ARF3: variants seen among roughly 807,000 people sequenced by gnomAD.
ARF3 encodes ARF GTPase 3.
A neutral mutation model predicts 19.3 loss-of-function variants in ARF3; 5 were observed. That is an observed-to-expected ratio of 0.26 (90% confidence interval 0.14 to 0.54). The LOEUF is 0.54. Among genes scored for constraint, ARF3 ranks in the 20% least tolerant of loss-of-function variants. The pLI is 0.95. For missense variants in ARF3, 77 were observed against 234.2 expected, an observed-to-expected ratio of 0.33 and a Z score of 4.38; for synonymous variants, 71 against 89.2, an observed-to-expected ratio of 0.80 and a Z score of 1.15.
chr12:48,950,806 C>T lies in ARF3; in HGVS notation c.-94+6504G>A, dbSNP rs145848084. On this transcript the variant is annotated intron_variant, in intron 1 of 4. Coordinates refer to ENST00000256682, the MANE Select transcript of ARF3 (RefSeq NM_001659.3). ...CTGCCTTTTTGTTTTTTTTTTGAGA[C>T]GGAGTTTTTGCTCTTGTTGCCCAGG... Among the ~76,000 whole-genome samples the T allele has an allele frequency of 6.6e-5, 10 of 151,060 alleles. No individual in the cohort carries two copies. In the East Asian group the frequency reaches 1.2e-3, roughly 18 times the overall value.
At chr12:48,947,305 C>CTT (rs201946318) in intron 1 of ARF3, among the ~76,000 whole-genome samples, 8 of 132,594 alleles carry the variant, frequency 6.0e-5, no homozygotes, top group African/African-American at 2.2e-4. Context: ...ATTCATCAAA[C>CTT]TTTTTTTTTT....
intron 1 of ARF3, among the ~76,000 whole-genome samples, chr12:48,945,511 A>G (rs986604866): frequency 2.0e-5 from 3 of 151,890 alleles, no homozygotes; most frequent in African/African-American, 7.3e-5. Flanking sequence ...CAGCGAGTCG[A>G]TATCATGCCA....
At chr12:48,947,896 G>A (rs1228557168) in intron 1 of ARF3, among the ~76,000 whole-genome samples, 1 of 152,084 alleles carries the variant, frequency 6.6e-6, no homozygotes, top group Non-Finnish European at 1.5e-5. Context: ...GTTGGGCAGG[G>A]GAAGTGTGTG....
Position 48,939,842 on chromosome 12 carries a change from A to G in ARF3, c.260-63T>C. 6.2e-7 allele frequency: 1 copy of G among 1,608,906 alleles called. No individual in the cohort carries two copies. Among genetic ancestry groups the G allele is most frequent in the Admixed American group, 1.7e-5 (1 of 59,890 alleles). ...GTAACCCCCTCCCCCCAACCAAAAG[A>G]CCACACCTGCCTGACACCCTCCAAA... is the stretch of plus-strand genomic sequence containing the variant. On this transcript the variant is annotated intron_variant, in intron 3 of 4. Transcript: ENST00000256682. The surrounding 1 kb of genome is among the most constrained non-coding windows in gnomAD (Gnocchi z 4.8).
intron 1 of ARF3, among the ~76,000 whole-genome samples, chr12:48,949,106 G>A (rs1302131822): frequency 6.6e-6 from 1 of 152,220 alleles, no homozygotes; most frequent in Non-Finnish European, 1.5e-5. Context: ...TTAAATGTAC[G>A]CAGAAGAGTA....
In ARF3 at chr12:48,939,863, C is replaced by A; in HGVS notation, c.260-84G>T. On this transcript the variant is annotated intron_variant, in intron 3 of 4. Transcript: ENST00000256682. The surrounding 1 kb of genome is among the most constrained non-coding windows in gnomAD (Gnocchi z 4.8). ...AAAGACCACACCTGCCTGACACCCT[C>A]CAAATATTTGCTCCCTTTCCTCCCT... The A allele has an allele frequency of 6.2e-7, 1 of 1,603,796 alleles. No individual in the cohort carries two copies. Among genetic ancestry groups the A allele is most frequent in the Non-Finnish European group, 8.5e-7 (1 of 1,172,020 alleles).
chr12:48,941,520 AG>A (rs2137579355), intron 1 of ARF3: 1 of 153,794 alleles, frequency 6.5e-6, no homozygotes, highest in South Asian at 2.0e-4. Flanking sequence ...CTATACCCAA[AG>A]GCATTGTAAG....
chr12:48,945,243 G>A (rs557447990), intron 1 of ARF3, among the ~76,000 whole-genome samples: 22 of 151,346 alleles, frequency 1.5e-4, no homozygotes, highest in African/African-American at 4.8e-4. Context: ...TCAGGAGTTC[G>A]AGACCAGCCT....
At chr12:48,947,720 A>C (rs1482224623) in intron 1 of ARF3, among the ~76,000 whole-genome samples, 1 of 152,206 alleles carries the variant, frequency 6.6e-6, no homozygotes, top group Non-Finnish European at 1.5e-5. Context: ...CAGGACTACA[A>C]AACAGTGTGA....
intron 1 of ARF3, among the ~76,000 whole-genome samples, chr12:48,954,484 C>G (rs958793235): frequency 6.6e-6 from 1 of 152,136 alleles, no homozygotes; most frequent in African/African-American, 2.4e-5. Context: ...TTGTACAATA[C>G]CAGGTGCTTT....
Position 48,942,441 on chromosome 12 carries a change from T to C in ARF3, c.-93-1253A>G, listed in dbSNP as rs553908562. The stretch of plus-strand genomic sequence containing the variant: ...ATGCTTCTCTTCCAGATAACCATCA[T>C]AGATTACTCCTTCACCTCCTTCAGT... On this transcript the variant is annotated intron_variant, in intron 1 of 4. Coordinates refer to ENST00000256682, the MANE Select transcript of ARF3 (RefSeq NM_001659.3). 9.9e-5 allele frequency among the ~76,000 whole-genome samples: 15 copies of C among 152,146 alleles called. No homozygotes were observed. The South Asian group carries it at 2.7e-3, about 27-fold the overall frequency.
chr12:48,942,978 A>G (rs1314257830), intron 1 of ARF3, among the ~76,000 whole-genome samples: 2 of 151,966 alleles, frequency 1.3e-5, no homozygotes, highest in African/African-American at 4.8e-5. Context: ...ATGGTGGCAC[A>G]CTCCTGTAGT....
intron 1 of ARF3, among the ~76,000 whole-genome samples, chr12:48,947,802 G>C (rs1242033568): frequency 6.6e-6 from 1 of 152,100 alleles, no homozygotes; most frequent in East Asian, 1.9e-4. Context: ...AAGGGTAAAG[G>C]GTGATTCTGA....
At chr12:48,948,437 G>A (rs1940399994) in intron 1 of ARF3, among the ~76,000 whole-genome samples, 1 of 151,862 alleles carries the variant, frequency 6.6e-6, no homozygotes, top group Non-Finnish European at 1.5e-5. Flanking sequence ...TTTATTTTTG[G>A]TAGAGATAGA....
rs368539036 is a variant in ARF3, at chr12:48,949,536, G to A, written c.-94+7774C>T. ...CACTGCACCTGGCCTGAACATGTTT[G>A]TTTTTATTATTACTGTTGTTTTTAG... On this transcript the variant is annotated intron_variant, in intron 1 of 4. Transcript: ENST00000256682. Among the ~76,000 whole-genome samples the A allele has an allele frequency of 1.5e-3, 227 of 151,776 alleles. 1 individual carries two copies. Among genetic ancestry groups the A allele is most frequent in the African/African-American group, 5.3e-3 (218 of 41,414 alleles).
chr12:48,947,357 G>A (rs758574096), intron 1 of ARF3, among the ~76,000 whole-genome samples: 26 of 150,782 alleles, frequency 1.7e-4, no homozygotes, highest in Non-Finnish European at 2.7e-4. Flanking sequence ...CCCAGGCTGG[G>A]GTGCAGTGGC....
intron 1 of ARF3, among the ~76,000 whole-genome samples, chr12:48,948,194 G>C (rs927153371): frequency 4.2e-4 from 59 of 141,752 alleles, no homozygotes; most frequent in African/African-American, 1.1e-3. Context: ...GACAGAGTGA[G>C]AGAATATGTC....
intron 1 of ARF3, among the ~76,000 whole-genome samples, chr12:48,942,186 ACT>A (rs2137580265): frequency 7.2e-6 from 1 of 138,896 alleles, no homozygotes; most frequent in African/African-American, 2.7e-5. Context: ...GAGATCTACT[ACT>A]CTCTCTTTGC....
chr12:48,937,007 CCACACACA>C lies in ARF3; in HGVS notation c.*1932_*1939del. ...ACCTCCAACACCCCCCCCACAACCA[CCACACACA>C]AACACACCCACACCCATATACACAC... On this transcript the variant is annotated 3_prime_UTR_variant, in exon 5 of 5. Transcript: ENST00000256682. 6.6e-6 allele frequency: 1 copy of C among 152,194 alleles called. No homozygotes were observed. Among genetic ancestry groups the C allele is most frequent in the East Asian group, 1.9e-4 (1 of 5,188 alleles). The allele number at this position is 152,194 out of a possible 1,614,324, so 9.4% of individuals were successfully genotyped here.
Sources: allele counts gnomAD v4.1 joint callset (sites outside exome capture counted in the v4.1 genomes callset), GRCh38; gene constraint gnomAD v4.1.1; non-coding constraint Gnocchi (gnomAD v3.1); transcripts MANE v1.5; gene names NCBI Gene and HGNC (gene_info 2026-07-23, HGNC 2026-07-21).